ALOX5: variants seen among roughly 807,000 people sequenced by gnomAD.
ALOX5 encodes the protein polyunsaturated fatty acid 5-lipoxygenase.
In ALOX5, 64 loss-of-function variants were observed where a neutral mutation model predicts 87.9. The ratio of observed to expected loss-of-function variants is 0.73; its 90% CI spans 0.60 to 0.90. ALOX5 has a LOEUF of 0.90. ALOX5 is among the 40% of genes least tolerant of loss of function. ALOX5 has a pLI of 0.00. For missense variants in ALOX5, 822 were observed against 907.5 expected (o/e 0.91, Z 1.21); for synonymous variants, 388 against 355.1 (o/e 1.09, Z -1.04).
Position 45,425,229 on chromosome 10 carries a change from ACT to A in ALOX5, c.834+98_834+99del, listed in dbSNP as rs2132808810. On this transcript the variant is annotated intron_variant, in intron 6 of 13. Transcript: ENST00000374391. The surrounding 1 kb of genome is among the most constrained non-coding windows in gnomAD (Gnocchi z 4.4). ...GTGCTCATAGGCCACCAAGACGCTA[ACT>A]GCAGGCCCATCTGGCCTACAGCAGC... The A allele has an allele frequency of 7.1e-7, 1 of 1,413,418 alleles. No homozygotes were observed. Among genetic ancestry groups the A allele is most frequent in the East Asian group, 2.5e-5 (1 of 40,134 alleles). The allele number at this position is 1,413,418 out of a possible 1,614,324, so 87.6% of individuals were successfully genotyped here. A position where few individuals can be genotyped will look rare whatever the true frequency, so the allele number is the denominator to read the frequency against.
At chr10:45,443,326 G>A (rs1842305047) in intron 10 of ALOX5, 90 bp from the exon 11 acceptor site, 1 of 1,584,462 alleles carries the variant, frequency 6.3e-7, no homozygotes. Context: ...ACGGGGTGGG[G>A]GAGTCCCAGC....
intron 7 of ALOX5, among the ~76,000 whole-genome samples, chr10:45,431,549 T>TTATTTA (rs1487998046): frequency 4.3e-4 from 39 of 89,664 alleles, no homozygotes; most frequent in African/African-American, 1.7e-3. Context: ...AACTATAAAG[T>TTATTTA]TATTTATTTA....
chr10:45,432,895 TA>T (rs2132830698), intron 7 of ALOX5, among the ~76,000 whole-genome samples: 1 of 152,250 alleles, frequency 6.6e-6, no homozygotes, highest in East Asian at 1.9e-4. Flanking sequence ...TGAGTAACCA[TA>T]ACAGAAGTGA....
intron 1 of ALOX5, among the ~76,000 whole-genome samples, chr10:45,377,957 C>T (rs902462990): frequency 6.6e-6 from 1 of 152,140 alleles, no homozygotes; most frequent in South Asian, 2.1e-4. Context: ...GAAATGAGGC[C>T]GGTGAGTTGC....
chr10:45,429,450 G>C (rs922418876), intron 7 of ALOX5, among the ~76,000 whole-genome samples: 4 of 152,222 alleles, frequency 2.6e-5, no homozygotes, highest in African/African-American at 9.7e-5. Flanking sequence ...GGACACAATA[G>C]CAGCTGGATA....
chr10:45,378,425 C>T (rs551580227), intron 1 of ALOX5, among the ~76,000 whole-genome samples: 11 of 152,310 alleles, frequency 7.2e-5, no homozygotes, highest in African/African-American at 2.4e-4. Flanking sequence ...GATAATCACT[C>T]GCTCGGCCAT....
chr10:45,392,517 C>A (rs139912761), intron 2 of ALOX5, among the ~76,000 whole-genome samples: 1 of 150,736 alleles, frequency 6.6e-6, no homozygotes, highest in Non-Finnish European at 1.5e-5. Context: ...CAGCAGGCTC[C>A]TTAAGAGTCA....
intron 2 of ALOX5, among the ~76,000 whole-genome samples, chr10:45,386,686 A>G (rs1483587920): frequency 2.0e-5 from 3 of 152,066 alleles, no homozygotes; most frequent in Non-Finnish European, 1.5e-5. Context: ...ATCTGTGTTG[A>G]AAAGTAAGTT....
chr10:45,379,915 C>T (rs1310626224), intron 1 of ALOX5, among the ~76,000 whole-genome samples: 9 of 152,212 alleles, frequency 5.9e-5, no homozygotes, highest in Non-Finnish European at 1.3e-4. Flanking sequence ...TCTCCCCACT[C>T]CTCGGTGGGA....
intron 4 of ALOX5, among the ~76,000 whole-genome samples, chr10:45,419,764 G>A (rs1375884549): frequency 6.6e-6 from 1 of 152,274 alleles, no homozygotes; most frequent in South Asian, 2.1e-4. Flanking sequence ...TGTAGGGAAG[G>A]AGCGATATCC....
At position 45,426,050 on chromosome 10, in the gene ALOX5, G is replaced by A. The variant is rs953072950; in HGVS notation, c.834+918G>A. Reference sequence around the variant, plus strand: ...TCCTCCTCCTCCTGCACCCAACCAGGCCCAGAACACTTCCTGGTCATGTGA... The same window carrying A: ...TCCTCCTCCTCCTGCACCCAACCAGACCCAGAACACTTCCTGGTCATGTGA... On this transcript the variant is annotated intron_variant, in intron 6 of 13. Transcript: ENST00000374391. Among the ~76,000 whole-genome samples, 6 of 152,158 alleles carry A rather than the reference G, an allele frequency of 3.9e-5. No homozygotes were observed. The East Asian group carries it at 7.7e-4, about 20-fold the overall frequency.
At position 45,445,931 on chromosome 10, in the gene ALOX5, C is replaced by G. The variant is rs1842432653; in HGVS notation, c.*244C>G. The G allele has an allele frequency of 2.3e-6, 1 of 435,302 alleles. No individual in the cohort carries two copies. The highest frequency in any genetic ancestry group is 3.9e-5 in the Admixed American group (1 of 25,648). The allele number at this position is 435,302 out of a possible 1,614,324, so 27.0% of individuals were successfully genotyped here. On this transcript the variant is annotated 3_prime_UTR_variant, in exon 14 of 14. Transcript: ENST00000374391. ...CCTGTCCACACCCAGCTCAGCATTT[C>G]CACACCAAGCAGCAACAGCAAATCA...
chr10:45,388,797 A>G (rs1840091562), intron 2 of ALOX5, among the ~76,000 whole-genome samples: 1 of 152,254 alleles, frequency 6.6e-6, no homozygotes, highest in Non-Finnish European at 1.5e-5. Flanking sequence ...CTCCCCTTCC[A>G]AAGGAAGGCA....
At position 45,438,858 on chromosome 10, in the gene ALOX5, C is replaced by G. The variant is rs1842136154; in HGVS notation, c.982-1572C>G. 2.0e-5 allele frequency among the ~76,000 whole-genome samples: 3 copies of G among 152,196 alleles called. 1 individual carries two copies. In the South Asian group the frequency reaches 6.2e-4, roughly 32 times the overall value. ...TAAACAGACAGGCACGCCTAATGTG[C>G]AAGTCACACTCTGCTCTCCCTCCTC... On this transcript the variant is annotated intron_variant, in intron 7 of 13. Coordinates refer to ENST00000374391, the MANE Select transcript of ALOX5 (RefSeq NM_000698.5).
intron 2 of ALOX5, among the ~76,000 whole-genome samples, chr10:45,394,461 G>T (rs1375983799): frequency 1.3e-5 from 2 of 152,132 alleles, no homozygotes; most frequent in Non-Finnish European, 2.9e-5. Flanking sequence ...AATTCAAGGT[G>T]GATTAAAGAC....
chr10:45,440,756 G>A, intron 8 of ALOX5, 123 bp downstream of exon 8: 1 of 1,095,318 alleles, frequency 9.1e-7, no homozygotes, highest in Non-Finnish European at 1.3e-6. Context: ...GAGCCCTGGA[G>A]AGATGTTCTC....
chr10:45,380,519 T>C (rs1176492145), intron 1 of ALOX5, among the ~76,000 whole-genome samples: 1 of 152,192 alleles, frequency 6.6e-6, no homozygotes, highest in Non-Finnish European at 1.5e-5. Flanking sequence ...AGGCAGGGCA[T>C]GGAATGGGGA....
At chr10:45,404,664 C>T (rs980820566) in intron 3 of ALOX5, among the ~76,000 whole-genome samples, 1 of 152,218 alleles carries the variant, frequency 6.6e-6, no homozygotes, top group Non-Finnish European at 1.5e-5. Flanking sequence ...CCCATGCGCT[C>T]GTCCGCTCTC....
At chr10:45,398,353 G>A (rs76443855) in intron 3 of ALOX5, among the ~76,000 whole-genome samples, 2,877 of 152,204 alleles carry the variant, frequency 0.019, 90 homozygotes, top group African/African-American at 0.064. Context: ...CACAAAATGA[G>A]TCAAATACCT....
Sources: allele counts gnomAD v4.1 joint callset (sites outside exome capture counted in the v4.1 genomes callset), GRCh38; gene constraint gnomAD v4.1.1; non-coding constraint Gnocchi (gnomAD v3.1); transcripts MANE v1.5; gene names NCBI Gene and HGNC (gene_info 2026-07-23, HGNC 2026-07-21).